JAKMIP1: variants seen among roughly 807,000 people sequenced by gnomAD.
The protein encoded by JAKMIP1 is janus kinase and microtubule interacting protein 1.
JAKMIP1 carries 33 observed loss-of-function variants against 113.0 expected under a neutral mutation model. The ratio of observed to expected loss-of-function variants is 0.29; its 90% confidence interval spans 0.22 to 0.39. The LOEUF is 0.39. Ranked by LOEUF, JAKMIP1 falls within the 10% of genes least tolerant of loss-of-function variation. The pLI is 1.00. For synonymous variants in JAKMIP1, 480 were observed against 459.9 expected, an observed-to-expected ratio of 1.04 and a Z score of -0.56; for missense variants, 813 against 1,080.5, an observed-to-expected ratio of 0.75 and a Z score of 3.47.
rs565527673 is a variant in JAKMIP1, at chr4:6,065,962, A to T, written c.1303-954T>A. Among the ~76,000 whole-genome samples, 2 of 152,336 alleles carry T rather than the reference A, an allele frequency of 1.3e-5. No individual in the cohort carries two copies. The highest frequency in any genetic ancestry group is 6.5e-5 in the Admixed American group (1 of 15,306). ...GACCTCAACCCACAATCACCAGATC[A>T]ATGTCTCTTATTTTAGGAACATAGC... is the stretch of plus-strand genomic sequence containing the variant. On this transcript the variant is annotated intron_variant, in intron 8 of 20. Coordinates refer to ENST00000409021, the MANE Select transcript of JAKMIP1 (RefSeq NM_001099433.2). This position sits in a 1 kb window ranked among gnomAD's most constrained non-coding sequence, Gnocchi z 5.1.
intron 16 of JAKMIP1, among the ~76,000 whole-genome samples, chr4:6,045,438 T>C: frequency 6.6e-6 from 1 of 152,312 alleles, no homozygotes; most frequent in African/African-American, 2.4e-5. Context: ...GACGGATGCC[T>C]GTGTCCTGAT....
At chr4:6,132,647 T>A (rs201649665) in intron 1 of JAKMIP1, among the ~76,000 whole-genome samples, 3,487 of 116,718 alleles carry the variant, frequency 0.03, 18 homozygotes, top group African/African-American at 0.055. Flanking sequence ...GCCTCAAAAA[T>A]AAAAAAAAAA....
At chr4:6,047,493 G>A (rs1172867961) in intron 16 of JAKMIP1, among the ~76,000 whole-genome samples, 1 of 152,216 alleles carries the variant, frequency 6.6e-6, no homozygotes, top group Non-Finnish European at 1.5e-5. Context: ...CCGGCCAGGT[G>A]TGAGTCATCC....
At chr4:6,045,974 C>T (rs1714937272) in intron 16 of JAKMIP1, among the ~76,000 whole-genome samples, 1 of 152,186 alleles carries the variant, frequency 6.6e-6, no homozygotes, top group Non-Finnish European at 1.5e-5. Flanking sequence ...TTTAGTGGAG[C>T]AGGGGTTAAC....
rs184371923 is a variant in JAKMIP1, at chr4:6,180,787, G to A, written c.-148+19466C>T. 2.6e-5 allele frequency among the ~76,000 whole-genome samples: 4 copies of A among 152,130 alleles called. No homozygotes were observed. Among genetic ancestry groups the A allele is most frequent in the African/African-American group, 4.8e-5 (2 of 41,430 alleles). On this transcript the variant is annotated intron_variant, in intron 1 of 20. Coordinates refer to ENST00000409021, the MANE Select transcript of JAKMIP1 (RefSeq NM_001099433.2). The surrounding 1 kb of genome is among the most constrained non-coding windows in gnomAD (Gnocchi z 4.5). Reference sequence around the variant, plus strand: ...CAGTGACATTTAATTTTCTGTCAACGTGCTTTGTTCTCAGAGGGCCATGGC... The same window carrying A: ...CAGTGACATTTAATTTTCTGTCAACATGCTTTGTTCTCAGAGGGCCATGGC...
chr4:6,144,881 C>T (rs957844790), intron 1 of JAKMIP1, among the ~76,000 whole-genome samples: 3 of 152,180 alleles, frequency 2.0e-5, no homozygotes, highest in African/African-American at 7.2e-5. Context: ...TTAGTCAGGG[C>T]AACTAGGCAA....
chr4:6,064,778 G>T lies in JAKMIP1; in HGVS notation c.1431+102C>A. 6.7e-7 allele frequency: 1 copy of T among 1,491,486 alleles called. No homozygotes were observed. The highest frequency in any genetic ancestry group is 2.3e-5 in the East Asian group (1 of 43,378). 92.4% of individuals were successfully genotyped at this position (1,491,486 alleles called of 1,614,324 possible). On this transcript the variant is annotated intron_variant, in intron 9 of 20. Coordinates refer to ENST00000409021, the MANE Select transcript of JAKMIP1 (RefSeq NM_001099433.2). This position sits in a 1 kb window ranked among gnomAD's most constrained non-coding sequence, Gnocchi z 4.3. ...GTAGGAACTGGTCATCTGGGGTTCAGAACTATAGGCAAGGGAGCGAAACTT... is the reference window on the plus strand; with the variant it reads ...GTAGGAACTGGTCATCTGGGGTTCATAACTATAGGCAAGGGAGCGAAACTT...
At position 6,106,386 on chromosome 4, in the gene JAKMIP1, C is replaced by G. The variant is rs1240691113; in HGVS notation, c.130-419G>C. 6.6e-6 allele frequency among the ~76,000 whole-genome samples: 1 copy of G among 152,052 alleles called. No individual in the cohort carries two copies. The highest frequency in any genetic ancestry group is 1.5e-5 in the Non-Finnish European group (1 of 68,014). On this transcript the variant is annotated intron_variant, in intron 2 of 20. Coordinates refer to ENST00000409021, the MANE Select transcript of JAKMIP1 (RefSeq NM_001099433.2). The surrounding 1 kb of genome is among the most constrained non-coding windows in gnomAD (Gnocchi z 5.9). ...GAGTTGGAAAAGACAGACCAGGCTTCTAAGTCCTGGGGGGCAGTGAGCAGG... is the reference window on the plus strand; with the variant it reads ...GAGTTGGAAAAGACAGACCAGGCTTGTAAGTCCTGGGGGGCAGTGAGCAGG...
rs1722591269 is a variant in JAKMIP1, at chr4:6,094,871, C to A, written c.625-9242G>T. On this transcript the variant is annotated intron_variant, in intron 3 of 20. Coordinates refer to ENST00000409021, the MANE Select transcript of JAKMIP1 (RefSeq NM_001099433.2). The surrounding 1 kb of genome is among the most constrained non-coding windows in gnomAD (Gnocchi z 4.2). The stretch of plus-strand genomic sequence containing the variant: ...ATTAGCTGGGCATAGGTGGTCCTGG[C>A]TATTCAGGAGGCTGAGGTGGGAGGA... 6.6e-6 allele frequency among the ~76,000 whole-genome samples: 1 copy of A among 152,000 alleles called. No homozygotes were observed. Among genetic ancestry groups the A allele is most frequent in the Non-Finnish European group, 1.5e-5 (1 of 68,020 alleles).
chr4:6,154,569 C>T lies in JAKMIP1; in HGVS notation c.-147-41572G>A, dbSNP rs1290411629. On this transcript the variant is annotated intron_variant, in intron 1 of 20. Transcript: ENST00000409021. The surrounding 1 kb of genome is among the most constrained non-coding windows in gnomAD (Gnocchi z 4.2). The stretch of plus-strand genomic sequence containing the variant: ...ATTTCAGCCTTGAAAAAGGCAATAC[C>T]GAAAAGGCAGACACCAAGAAACTTA... Among the ~76,000 whole-genome samples the T allele has an allele frequency of 2.6e-5, 4 of 151,882 alleles. No homozygotes were observed. Among genetic ancestry groups the T allele is most frequent in the East Asian group, 1.9e-4 (1 of 5,188 alleles).
chr4:6,026,486 G>T (rs182260605), intron 20 of JAKMIP1, among the ~76,000 whole-genome samples: 90 of 152,222 alleles, frequency 5.9e-4, no homozygotes, highest in African/African-American at 2.2e-3. Flanking sequence ...CACACTCAGG[G>T]TGGGTTATCC....
At chr4:6,191,913 T>TTTTATTTATTTA (rs55740817) in intron 1 of JAKMIP1, among the ~76,000 whole-genome samples, 51,722 of 140,852 alleles carry the variant, frequency 0.37, 10,657 homozygotes, top group Middle Eastern at 0.52. Context: ...CAGGAGTGCA[T>TTTTATTTATTTA]TTTATTTATT....
At chr4:6,074,048 T>C (rs1364448855) in intron 8 of JAKMIP1, among the ~76,000 whole-genome samples, 1 of 152,210 alleles carries the variant, frequency 6.6e-6, no homozygotes, top group Non-Finnish European at 1.5e-5. Context: ...CAACCTCTCC[T>C]TTGGGGCTAA....
intron 5 of JAKMIP1, among the ~76,000 whole-genome samples, chr4:6,083,140 C>T (rs185724385): frequency 1.6e-4 from 25 of 152,190 alleles, no homozygotes; most frequent in Middle Eastern, 6.8e-3. Context: ...CGGTGGCTCA[C>T]GCCTGTAATC....
At position 6,085,095 on chromosome 4, in the gene JAKMIP1, A is replaced by G. The variant is rs1170539756; in HGVS notation, c.835-130T>C. The G allele has an allele frequency of 2.5e-5, 29 of 1,163,438 alleles. No homozygotes were observed. In the East Asian group the frequency reaches 6.9e-4, roughly 28 times the overall value. The allele number at this position is 1,163,438 out of a possible 1,614,324, so 72.1% of individuals were successfully genotyped here. A position where few individuals can be genotyped will look rare whatever the true frequency, so the allele number is the denominator to read the frequency against. ...CCTTATTCAGGGGCCCACATGCCAC[A>G]CAGCAAGGTGGGGAACACCCAAGCC... On this transcript the variant is annotated intron_variant, in intron 4 of 20. Transcript: ENST00000409021.
At chr4:6,036,755 T>A (rs1713500476) in intron 18 of JAKMIP1, among the ~76,000 whole-genome samples, 1 of 152,252 alleles carries the variant, frequency 6.6e-6, no homozygotes, top group Non-Finnish European at 1.5e-5. Flanking sequence ...CTTATGGCAA[T>A]GTCTAAGGAC....
At position 6,176,910 on chromosome 4, in the gene JAKMIP1, GTA is replaced by G. The variant is rs1157818579; in HGVS notation, c.-148+23341_-148+23342del. Among the ~76,000 whole-genome samples the G allele has an allele frequency of 2.6e-5, 4 of 152,210 alleles. No homozygotes were observed. Among genetic ancestry groups the G allele is most frequent in the Non-Finnish European group, 4.4e-5 (3 of 68,032 alleles). On this transcript the variant is annotated intron_variant, in intron 1 of 20. Coordinates refer to ENST00000409021, the MANE Select transcript of JAKMIP1 (RefSeq NM_001099433.2). This position sits in a 1 kb window ranked among gnomAD's most constrained non-coding sequence, Gnocchi z 5.5. ...TAGCCAGGCATGGTGGCATGTGCCTGTAGTCTCAGCTACTGGGGAGGCTGAGG... is the reference window on the plus strand; with the variant it reads ...TAGCCAGGCATGGTGGCATGTGCCTGGTCTCAGCTACTGGGGAGGCTGAGG...
chr4:6,078,211 A>G (rs566191383), intron 8 of JAKMIP1, among the ~76,000 whole-genome samples: 93 of 151,930 alleles, frequency 6.1e-4, no homozygotes, highest in African/African-American at 2.1e-3. Context: ...GCTACTCGGG[A>G]GGCTGAGGCA....
At chr4:6,027,067 T>C (rs556943945) in intron 20 of JAKMIP1, among the ~76,000 whole-genome samples, 4 of 148,274 alleles carry the variant, frequency 2.7e-5, no homozygotes, top group Admixed American at 2.0e-4. Flanking sequence ...AGTCTACTTA[T>C]ACAGAGAAAA....
Sources: gnomAD v4.1 joint callset for allele counts (sites outside exome capture counted in the v4.1 genomes callset) on GRCh38, gnomAD v4.1.1 for gene constraint, Gnocchi (gnomAD v3.1) non-coding constraint, MANE v1.5 for transcripts, NCBI Gene and HGNC (gene_info 2026-07-23, HGNC 2026-07-21) for gene names.